The following AK9 variants were observed in gnomAD, a reference collection of about 807,000 sequenced individuals.
AK9 encodes the protein adenylate kinase domain containing 1.
A neutral mutation model predicts 239.6 loss-of-function variants in AK9; 191 were observed. The ratio of observed to expected loss-of-function variants is 0.80; its 90% CI spans 0.71 to 0.90. The LOEUF (loss-of-function observed/expected upper bound fraction) is 0.90, where lower values mean the gene tolerates loss of function less well. Ranked by LOEUF, AK9 falls within the 40% of genes least tolerant of loss-of-function variation. The pLI is 0.00. For missense variants in AK9, 1,995 were observed against 2,214.7 expected (o/e 0.90, Z 1.99); for synonymous variants, 689 against 721.0 (o/e 0.96, Z 0.71).
In AK9 at chr6:109,499,194, C is replaced by A; in HGVS notation, c.4896G>T (p.Leu1632=). 6.3e-7 allele frequency: 1 copy of A among 1,599,242 alleles called. No individual in the cohort carries two copies. Among genetic ancestry groups the A allele is most frequent in the Non-Finnish European group, 8.5e-7 (1 of 1,172,058 alleles). The part of the protein sequence containing the change: ...IDKLCITPQE[L]LSRLGEFEQF... ...GTTCAAATTCTCCCAGGCGAGAAAGCAGCTCTTGAGGTGTGATACATAACT... is the reference window on the plus strand; with the variant it reads ...GTTCAAATTCTCCCAGGCGAGAAAGAAGCTCTTGAGGTGTGATACATAACT... Residue 1632 remains leucine, a synonymous_variant, in exon 36 of 41, where the codon CTG becomes CTT. Coordinates refer to ENST00000424296, the MANE Select transcript of AK9 (RefSeq NM_001145128.3).
chr6:109,666,559 C>T (rs1264002646), intron 5 of AK9, among the ~76,000 whole-genome samples: 1 of 152,212 alleles, frequency 6.6e-6, no homozygotes, highest in East Asian at 1.9e-4. Context: ...CTCATTAGCT[C>T]AACCAATGAG....
intron 27 of AK9, among the ~76,000 whole-genome samples, chr6:109,539,249 G>A (rs540765976): frequency 1.8e-4 from 28 of 152,280 alleles, no homozygotes; most frequent in African/African-American, 6.5e-4. Flanking sequence ...CCAATCAGAC[G>A]TAGATTTGGT....
At position 109,612,212 on chromosome 6, in the gene AK9, A is replaced by C. The variant is rs73519236; in HGVS notation, c.1610-119T>G. The stretch of plus-strand genomic sequence containing the variant: ...GGACTCACATTCCCAATTTTTAATT[A>C]AAATAACAACCCTAACATTTAAATG... On this transcript the variant is annotated intron_variant, in intron 15 of 40. Transcript: ENST00000424296. 2.8e-3 allele frequency: 1,706 copies of C among 603,924 alleles called. 34 individuals carry two copies. The highest frequency in any genetic ancestry group is 0.025 in the African/African-American group (1,328 of 52,598). 37.4% of individuals were successfully genotyped at this position (603,924 alleles called of 1,614,324 possible).
chr6:109,515,478 C>T (rs1396568505), intron 31 of AK9, among the ~76,000 whole-genome samples: 2 of 152,100 alleles, frequency 1.3e-5, no homozygotes, highest in Non-Finnish European at 2.9e-5. Context: ...CTGAACTTGA[C>T]AGAGTAGGTG....
chr6:109,641,827 A>G (rs1230861199), intron 9 of AK9, among the ~76,000 whole-genome samples: 1 of 152,142 alleles, frequency 6.6e-6, no homozygotes, highest in Non-Finnish European at 1.5e-5. Flanking sequence ...TCACAGAAAC[A>G]TCTTCTCCCT....
rs1235616851 is a variant in AK9, at chr6:109,564,097, A to G, written c.2618T>C (p.Val873Ala). 1 of 1,551,032 alleles carries G rather than the reference A, an allele frequency of 6.4e-7. No homozygotes were observed. The highest frequency in any genetic ancestry group is 8.7e-7 in the Non-Finnish European group (1 of 1,146,752). ...GCCCTTACTTTCCATAGTCTCAACTACTTTTTGAAGTAATTCCTGTGGAGT... is the reference window on the plus strand; with the variant it reads ...GCCCTTACTTTCCATAGTCTCAACTGCTTTTTGAAGTAATTCCTGTGGAGT... ...DRTPQELLQK[V>A]VETMEKPFQY... The change falls in exon 23 of 41, where the codon GTA becomes GCA. Residue 873 changes from valine to alanine, a missense_variant. Coordinates refer to ENST00000424296, the MANE Select transcript of AK9 (RefSeq NM_001145128.3).
rs1363074253 is a variant in AK9 at position 109,614,495 on chromosome 6, T to C, written c.1400-15A>G. The C allele has an allele frequency of 6.5e-7, 1 of 1,547,712 alleles. No individual in the cohort carries two copies. The highest frequency in any genetic ancestry group is 2.0e-5 in the Admixed American group (1 of 50,956). On this transcript the variant is annotated splice_polypyrimidine_tract_variant and intron_variant, in intron 13 of 40. Transcript: ENST00000424296. Reference sequence around the variant, plus strand: ...AGCTGTTTCAGCTGAAATATAACAATGGGTGGTGTTAGCAAAACGTAGTTG... The same window carrying C: ...AGCTGTTTCAGCTGAAATATAACAACGGGTGGTGTTAGCAAAACGTAGTTG...
Position 109,499,078 on chromosome 6 carries a change from T to A in AK9, c.5012A>T (p.His1671Leu). The A allele has an allele frequency of 6.3e-7, 1 of 1,579,042 alleles. No homozygotes were observed. The highest frequency in any genetic ancestry group is 8.6e-7 in the Non-Finnish European group (1 of 1,164,706). Reference protein sequence around the residue: ...SLEFAAEFRGHYYKMSSQEKL... With the variant: ...SLEFAAEFRGLYYKMSSQEKL... The stretch of plus-strand genomic sequence containing the variant: ...TTCCTGAGAACTCATTTTATAGTAG[T>A]GCCCCCTGAACTCTGCTGCAAATTC... The change falls in exon 36 of 41, where the codon CAC becomes CTC. Residue 1671 changes from histidine to leucine, a missense_variant. Physicochemically the swap from His to Leu is moderately conservative, Grantham distance 99. Transcript: ENST00000424296.
intron 3 of AK9, 100 bp from the exon 4 acceptor site, chr6:109,672,267 T>C (rs1182903870): frequency 1.9e-6 from 2 of 1,037,056 alleles, no homozygotes; most frequent in East Asian, 2.6e-5. Flanking sequence ...AGATTAACAT[T>C]TGTGCATCAC....
intron 19 of AK9, among the ~76,000 whole-genome samples, chr6:109,581,818 G>A (rs1583105310): frequency 6.6e-6 from 1 of 152,276 alleles, no homozygotes; most frequent in South Asian, 2.1e-4. Flanking sequence ...GGAAGAAGAT[G>A]CCATCTAGGA....
chr6:109,567,972 C>G (rs1786823917), intron 21 of AK9, among the ~76,000 whole-genome samples: 1 of 150,734 alleles, frequency 6.6e-6, no homozygotes, highest in Non-Finnish European at 1.5e-5. Flanking sequence ...AGAGGCACAA[C>G]AAAAAAAGAG....
chr6:109,563,944 C>T, intron 23 of AK9, 136 bp downstream of exon 23: 1 of 1,063,344 alleles, frequency 9.4e-7, no homozygotes, highest in Non-Finnish European at 1.3e-6. Context: ...GTGATAGTTG[C>T]TAAGTATTTT....
intron 12 of AK9, among the ~76,000 whole-genome samples, chr6:109,628,920 A>C (rs2128264726): frequency 6.6e-6 from 1 of 152,316 alleles, no homozygotes; most frequent in African/African-American, 2.4e-5. Context: ...ATTTAAAAAA[A>C]ACAAAGGCCT....
At position 109,641,503 on chromosome 6, in the gene AK9, T is replaced by G; in HGVS notation, c.933+15A>C. ...TATTGAAAATTAGACTTTCAGACAG[T>G]TCCATATAACTTACATTTTCCATTG... is the stretch of plus-strand genomic sequence containing the variant. On this transcript the variant is annotated intron_variant, in intron 10 of 40. Coordinates refer to ENST00000424296, the MANE Select transcript of AK9 (RefSeq NM_001145128.3). The G allele has an allele frequency of 6.3e-7, 1 of 1,597,386 alleles. No homozygotes were observed. The highest frequency in any genetic ancestry group is 8.6e-7 in the Non-Finnish European group (1 of 1,165,428).
Position 109,668,730 on chromosome 6 carries a change from G to C in AK9, c.331+3189C>G, listed in dbSNP as rs1194660294. On this transcript the variant is annotated intron_variant, in intron 5 of 40. Transcript: ENST00000424296. ...TGTAGATCTGCGGCATTATTTCTGA[G>C]GCCTCTGTTCTGTTCCATTGGTCTA... Among the ~76,000 whole-genome samples, 5 of 89,464 alleles carry C rather than the reference G, an allele frequency of 5.6e-5. 1 individual carries two copies. Among genetic ancestry groups the C allele is most frequent in the Admixed American group, 1.4e-4 (1 of 6,990 alleles). The allele number at this position is 89,464 out of a possible 152,430, so 58.7% of individuals were successfully genotyped here. A position where few individuals can be genotyped will look rare whatever the true frequency, so the allele number is the denominator to read the frequency against.
intron 21 of AK9, among the ~76,000 whole-genome samples, chr6:109,566,736 G>A (rs1023023259): frequency 1.3e-5 from 2 of 152,082 alleles, no homozygotes; most frequent in East Asian, 3.9e-4. Flanking sequence ...GGTAAGAGGG[G>A]AGTGAGGGAT....
chr6:109,660,824 G>T (rs1023275635), intron 6 of AK9: 1 of 338,000 alleles, frequency 3.0e-6, no homozygotes, highest in East Asian at 6.8e-5. Flanking sequence ...TTAGTTCTGG[G>T]GTAGGGCCTG....
chr6:109,508,903 C>T (rs573842945), intron 33 of AK9, among the ~76,000 whole-genome samples: 1 of 152,286 alleles, frequency 6.6e-6, no homozygotes, highest in African/African-American at 2.4e-5. Flanking sequence ...TCACATCAGC[C>T]TCCTTTGTTG....
In AK9 at chr6:109,586,055, C is replaced by T. The variant is rs1390635439; in HGVS notation, c.1860G>A (p.Lys620=). Residue 620 remains lysine (K), a synonymous_variant, in exon 18 of 41, where the codon AAG becomes AAA. Transcript: ENST00000424296. ...ATTTTGGGGCACCAGGAAACCTATCCTTGTTTTCTTCCATTACCTGTGAAA... is the reference window on the plus strand; with the variant it reads ...ATTTTGGGGCACCAGGAAACCTATCTTTGTTTTCTTCCATTACCTGTGAAA... ...EVLGEVMEEN[K]DRFPGAPKYG... 4 of 1,550,520 alleles carry T rather than the reference C, an allele frequency of 2.6e-6. No homozygotes were observed. The highest frequency in any genetic ancestry group is 2.4e-5 in the East Asian group (1 of 40,870).
Sources: gnomAD v4.1 joint callset for allele counts (sites outside exome capture counted in the v4.1 genomes callset) on GRCh38, gnomAD v4.1.1 for gene constraint, MANE v1.5 for transcripts, NCBI Gene and HGNC (gene_info 2026-07-23, HGNC 2026-07-21) for gene names.